GFI1B: variants seen among roughly 807,000 people sequenced by gnomAD.
GFI1B encodes the protein zinc finger protein Gfi-1b.
GFI1B carries 20 observed loss-of-function variants against 35.3 expected under a neutral mutation model. The observed-to-expected ratio is 0.57, with a 90% confidence interval of 0.40 to 0.82. The LOEUF (loss-of-function observed/expected upper bound fraction) is 0.82, where lower values mean the gene tolerates loss of function less well. GFI1B is among the 40% of genes least tolerant of loss of function. The probability of loss-of-function intolerance (pLI) is 0.00; values close to 1 mark genes in which losing one functional copy is unlikely to be tolerated. For missense variants in GFI1B, 430 were observed against 446.3 expected, an observed-to-expected ratio of 0.96 and a Z score of 0.33; for synonymous variants, 178 against 177.6, an observed-to-expected ratio of 1.00 and a Z score of -0.02.
upstream of GFI1B, among the ~76,000 whole-genome samples, chr9:132,974,433 C>G (rs1306614681): frequency 6.6e-6 from 1 of 151,672 alleles, no homozygotes; most frequent in East Asian, 1.9e-4. Context: ...AACTCTATCT[C>G]TACTAAAAAC....
chr9:132,992,660 G>C (rs1028987239), downstream of GFI1B, among the ~76,000 whole-genome samples: 1 of 152,146 alleles, frequency 6.6e-6, no homozygotes, highest in African/African-American at 2.4e-5. Context: ...CCTCCATGAA[G>C]CCTCCCTGGG....
At chr9:132,975,967 T>G (rs1848622106), upstream of GFI1B, among the ~76,000 whole-genome samples, 1 of 152,214 alleles carries the variant, frequency 6.6e-6, no homozygotes, top group African/African-American at 2.4e-5. Flanking sequence ...GGGGACTGGC[T>G]GCCTGGCCAC....
At chr9:132,983,246 T>A (rs865926251) in intron 1 of GFI1B, among the ~76,000 whole-genome samples, 5 of 139,494 alleles carry the variant, frequency 3.6e-5, no homozygotes, top group Admixed American at 8.3e-5. Flanking sequence ...CAGGCTGAAG[T>A]GCAGTGGTGG....
chr9:132,947,784 G>C (rs1003374737), intron 1 of GFI1B, among the ~76,000 whole-genome samples: 4 of 150,184 alleles, frequency 2.7e-5, no homozygotes, highest in African/African-American at 9.8e-5. Flanking sequence ...ATTCCAGCCT[G>C]GGTAACAAAG....
chr9:132,953,316 G>A (rs1588405399), intron 1 of GFI1B: 1 of 152,148 alleles, frequency 6.6e-6, no homozygotes, highest in African/African-American at 2.4e-5. Flanking sequence ...TCTATATTCA[G>A]TGGCTACTAT....
At chr9:132,958,855 A>G (rs565421395) in intron 1 of GFI1B, among the ~76,000 whole-genome samples, 2 of 152,340 alleles carry the variant, frequency 1.3e-5, no homozygotes, top group East Asian at 3.9e-4. Flanking sequence ...TTGAAGGCAG[A>G]GGCCAAGATT....
At chr9:132,949,268 TAC>T (rs36015720) in intron 1 of GFI1B, among the ~76,000 whole-genome samples, 53,297 of 137,310 alleles carry the variant, frequency 0.39, 10,249 homozygotes, top group South Asian at 0.52. Context: ...AACCCACAGA[TAC>T]ACACACACAC....
chr9:132,984,386 G>C (rs905862143), intron 1 of GFI1B, among the ~76,000 whole-genome samples: 72 of 152,168 alleles, frequency 4.7e-4, no homozygotes, highest in Admixed American at 3.9e-4. Context: ...AGATAAGGCC[G>C]TGGGCTGCCC....
chr9:132,964,003 G>T (rs905312112), intron 1 of GFI1B, among the ~76,000 whole-genome samples: 12 of 152,192 alleles, frequency 7.9e-5, no homozygotes, highest in African/African-American at 2.9e-4. Context: ...CACTTTGGGA[G>T]GCCAAGGTGG....
chr9:132,967,122 C>A (rs1848461425), intron 1 of GFI1B, among the ~76,000 whole-genome samples: 1 of 152,098 alleles, frequency 6.6e-6, no homozygotes. Context: ...GAAGTTCAGC[C>A]CCCACCTGTA....
At position 132,989,452 on chromosome 9, in the gene GFI1B, T is replaced by C. The variant is rs890577280; in HGVS notation, c.648+254T>C. Among the ~76,000 whole-genome samples, 2 of 152,244 alleles carry C rather than the reference T, an allele frequency of 1.3e-5. No individual in the cohort carries two copies. The highest frequency in any genetic ancestry group is 2.4e-5 in the African/African-American group (1 of 41,462). On this transcript the variant is annotated intron_variant, in intron 5 of 6. Coordinates refer to ENST00000372122, the MANE Select transcript of GFI1B (RefSeq NM_001377304.1). The surrounding 1 kb of genome is among the most constrained non-coding windows in gnomAD (Gnocchi z 6.2). ...GGAACTCACTCTAGGTTAATGGTCA[T>C]GAAATGTGAACCCCTAAAGAACCTC...
intron 1 of GFI1B, among the ~76,000 whole-genome samples, chr9:132,971,615 A>C (rs1848532766): frequency 6.6e-6 from 1 of 152,218 alleles, no homozygotes; most frequent in Non-Finnish European, 1.5e-5. Context: ...GGAAGCAGGG[A>C]GGAAAAGAGG....
chr9:132,985,411 G>A (rs1046659164), intron 1 of GFI1B, among the ~76,000 whole-genome samples: 5 of 152,136 alleles, frequency 3.3e-5, no homozygotes, highest in Admixed American at 1.3e-4. Flanking sequence ...GGCTGCCCAC[G>A]GAAGCTGGGG....
intron 1 of GFI1B, chr9:132,952,791 C>T (rs754066437): frequency 6.6e-6 from 1 of 152,166 alleles, no homozygotes; most frequent in African/African-American, 2.4e-5. Flanking sequence ...AGACTTTTGT[C>T]TATGACTTTT....
chr9:132,958,465 C>G (rs1269839744), intron 1 of GFI1B, among the ~76,000 whole-genome samples: 1 of 152,126 alleles, frequency 6.6e-6, no homozygotes, highest in Non-Finnish European at 1.5e-5. Flanking sequence ...ATAGAGAAAG[C>G]AAGAGCAAGA....
chr9:132,966,446 TAAG>T (rs1848451703), intron 1 of GFI1B, among the ~76,000 whole-genome samples: 1 of 152,146 alleles, frequency 6.6e-6, no homozygotes, highest in Admixed American at 6.6e-5. Context: ...CATCAGCAAT[TAAG>T]GAGAGAAGAC....
intron 1 of GFI1B, chr9:132,952,146 CTTGGTTG>C (rs1564522088): frequency 6.6e-6 from 1 of 151,908 alleles, no homozygotes; most frequent in Non-Finnish European, 1.5e-5. Context: ...AAATTTTCAA[CTTGGTTG>C]TTACTGAAGT....
intron 1 of GFI1B, among the ~76,000 whole-genome samples, chr9:132,965,216 C>A (rs1848432781): frequency 6.6e-6 from 1 of 152,192 alleles, no homozygotes; most frequent in Non-Finnish European, 1.5e-5. Context: ...GAACTCCTGG[C>A]CATGGCTTTA....
At chr9:132,956,884 T>A (rs1177489861) in intron 1 of GFI1B, among the ~76,000 whole-genome samples, 1 of 152,176 alleles carries the variant, frequency 6.6e-6, no homozygotes, top group African/African-American at 2.4e-5. Flanking sequence ...AGGGGAAGGA[T>A]GCACTCCTAA....
Sources: gnomAD v4.1 joint callset for allele counts (sites outside exome capture counted in the v4.1 genomes callset) on GRCh38, gnomAD v4.1.1 for gene constraint, Gnocchi (gnomAD v3.1) non-coding constraint, MANE v1.5 for transcripts, NCBI Gene and HGNC (gene_info 2026-07-23, HGNC 2026-07-21) for gene names.